OGA: variants seen among roughly 807,000 people sequenced by gnomAD.
OGA encodes the protein protein O-GlcNAcase.
Under a neutral mutation model 102.0 loss-of-function variants are expected in OGA, and 21 were observed. That is an observed-to-expected ratio of 0.21 (90% CI 0.15 to 0.30). OGA has a LOEUF of 0.30. Ranked by LOEUF, OGA falls within the 10% of genes least tolerant of loss-of-function variation. The pLI is 1.00. For synonymous variants in OGA, 408 were observed against 378.2 expected (o/e 1.08, Z -0.91); for missense variants, 765 against 1,107.8 (o/e 0.69, Z 4.39).
chr10:101,805,903 C>T (rs1051663835), intron 6 of OGA, 142 bp downstream of exon 6: 126 of 561,050 alleles, frequency 2.2e-4, no homozygotes, highest in Non-Finnish European at 3.8e-4. Flanking sequence ...TGCAGTGAGC[C>T]GAGATCATGC....
intron 1 of OGA, 110 bp downstream of exon 1, chr10:101,817,714 A>G (rs2065656397): frequency 4.8e-6 from 6 of 1,258,144 alleles, no homozygotes; most frequent in South Asian, 4.3e-5. Flanking sequence ...GCCACATTTC[A>G]GACCCAGAGG....
intron 6 of OGA, among the ~76,000 whole-genome samples, 155 bp from the exon 7 acceptor site, chr10:101,804,174 T>C (rs1239455800): frequency 6.6e-6 from 1 of 151,674 alleles, no homozygotes; most frequent in East Asian, 1.9e-4. Context: ...CGAGACCCTA[T>C]CTTTTTATTT....
chr10:101,800,153 G>A (rs557913765), intron 8 of OGA, 89 bp downstream of exon 8: 4 of 1,429,184 alleles, frequency 2.8e-6, no homozygotes, highest in South Asian at 2.6e-5. Flanking sequence ...GATTACAGGT[G>A]TGAGCCACCA....
chr10:101,816,622 TAA>T (rs1261473098), intron 1 of OGA, among the ~76,000 whole-genome samples: 3 of 152,194 alleles, frequency 2.0e-5, no homozygotes, highest in East Asian at 1.9e-4. Flanking sequence ...TACAACGATA[TAA>T]GTCACACAAT....
At chr10:101,790,091 G>A (rs1453035779) in intron 14 of OGA, among the ~76,000 whole-genome samples, 2 of 152,110 alleles carry the variant, frequency 1.3e-5, no homozygotes, top group Non-Finnish European at 2.9e-5. Context: ...GGACAGGACA[G>A]ACTTATTAAG....
At chr10:101,806,206 T>C in intron 5 of OGA, 63 bp from the exon 6 acceptor site, 1 of 1,071,576 alleles carries the variant, frequency 9.3e-7, no homozygotes, top group Non-Finnish European at 1.4e-6. Context: ...TCTCTTTGTT[T>C]GTTTGTTTTC....
In OGA at chr10:101,798,133, C is replaced by CT; in HGVS notation, c.1830dup (p.Ala611SerfsTer5). 6.2e-7 allele frequency: 1 copy of CT among 1,614,036 alleles called. No individual in the cohort carries two copies. The highest frequency in any genetic ancestry group is 8.5e-7 in the Non-Finnish European group (1 of 1,180,002). On this transcript the variant is annotated frameshift_variant, in exon 10 of 16. Coordinates refer to ENST00000361464, the MANE Select transcript of OGA (RefSeq NM_012215.5). LOFTEE classifies it high-confidence loss of function. ...CCACACATCTCTTCAAACTTGGCTGCTCGTGACCGCCATTCTTCAATCTAT... is the reference window on the plus strand; with the variant it reads ...CCACACATCTCTTCAAACTTGGCTGCTTCGTGACCGCCATTCTTCAATCTAT...
At chr10:101,810,065 CAAAA>C in intron 4 of OGA, 115 bp downstream of exon 4, 3 of 1,100,488 alleles carry the variant, frequency 2.7e-6, no homozygotes, top group East Asian at 5.2e-5. Context: ...AACAAACAAA[CAAAA>C]AAAGAAAACA....
intron 14 of OGA, among the ~76,000 whole-genome samples, chr10:101,790,265 G>GTTTTTTTT (rs869235919): frequency 9.3e-5 from 8 of 86,392 alleles, no homozygotes; most frequent in East Asian, 3.8e-4. Flanking sequence ...ATAATATCTT[G>GTTTTTTTT]TTTTTTTTTT....
chr10:101,807,619 C>A (rs763571179), intron 5 of OGA, 111 bp downstream of exon 5: 2 of 779,444 alleles, frequency 2.6e-6, no homozygotes, highest in Non-Finnish European at 3.7e-6. Flanking sequence ...AAGATTCCTA[C>A]TTTTACACAC....
rs2065188660 is a variant in OGA at position 101,786,197 on chromosome 10, G to A, written c.*254C>T. Reference sequence around the variant, plus strand: ...CTCCCTGTATAAGCCCATGTAAAAGGTCTCAGCACCTAACACAAGACTCAA... The same window carrying A: ...CTCCCTGTATAAGCCCATGTAAAAGATCTCAGCACCTAACACAAGACTCAA... On this transcript the variant is annotated 3_prime_UTR_variant, in exon 16 of 16. Coordinates refer to ENST00000361464, the MANE Select transcript of OGA (RefSeq NM_012215.5). The A allele has an allele frequency of 3.1e-6, 1 of 317,586 alleles. No individual in the cohort carries two copies. Among genetic ancestry groups the A allele is most frequent in the Non-Finnish European group, 5.7e-6 (1 of 175,590 alleles). The allele number at this position is 317,586 out of a possible 1,614,324, so 19.7% of individuals were successfully genotyped here.
chr10:101,795,451 A>G lies in OGA; in HGVS notation c.1985-1453T>C, dbSNP rs368592268. On this transcript the variant is annotated intron_variant, in intron 10 of 15. Coordinates refer to ENST00000361464, the MANE Select transcript of OGA (RefSeq NM_012215.5). ...CATCTGCCGCTGTCCATCCAATAGT[A>G]GTAGACACTTGTGCTGAGGATTCTC... is the stretch of plus-strand genomic sequence containing the variant. Among the ~76,000 whole-genome samples, 38 of 152,368 alleles carry G rather than the reference A, an allele frequency of 2.5e-4. No homozygotes were observed. The East Asian group carries it at 3.5e-3, about 14-fold the overall frequency.
rs931468806 is a variant in OGA at position 101,791,185 on chromosome 10, C to T, written c.2262-97G>A. On this transcript the variant is annotated intron_variant, in intron 13 of 15. Coordinates refer to ENST00000361464, the MANE Select transcript of OGA (RefSeq NM_012215.5). ...GACCCACTGTACTTGCATGAACTTA[C>T]GGAACCTACATTTGGTGTAAGAAAC... The T allele has an allele frequency of 1.2e-5, 16 of 1,336,230 alleles. No individual in the cohort carries two copies. The Admixed American group carries it at 1.5e-4, about 12-fold the overall frequency. The allele number at this position is 1,336,230 out of a possible 1,614,324, so 82.8% of individuals were successfully genotyped here.
intron 6 of OGA, 95 bp downstream of exon 6, chr10:101,805,950 G>A (rs1011993007): frequency 8.4e-5 from 68 of 807,502 alleles, no homozygotes; most frequent in South Asian, 6.3e-4. Flanking sequence ...GTGAGACTCC[G>A]TCTCAAAAAA....
chr10:101,811,231 A>T (rs779906154), intron 3 of OGA, among the ~76,000 whole-genome samples: 1 of 151,590 alleles, frequency 6.6e-6, no homozygotes, highest in Non-Finnish European at 1.5e-5. Context: ...TCTACTAAAA[A>T]TACAAAAATT....
intron 4 of OGA, among the ~76,000 whole-genome samples, chr10:101,809,516 G>A (rs1334321810): frequency 1.3e-5 from 2 of 152,062 alleles, no homozygotes; most frequent in African/African-American, 4.8e-5. Context: ...AGGAGTTCGA[G>A]ACCAGCCTGG....
intron 4 of OGA, 126 bp downstream of exon 4, chr10:101,810,058 A>G (rs967599286): frequency 1.9e-6 from 2 of 1,056,976 alleles, no homozygotes; most frequent in East Asian, 2.6e-5. Flanking sequence ...AAAACAAAAC[A>G]AACAAACAAA....
intron 14 of OGA, among the ~76,000 whole-genome samples, chr10:101,789,076 C>T (rs2065226080): frequency 6.6e-6 from 1 of 152,176 alleles, no homozygotes; most frequent in Non-Finnish European, 1.5e-5. Flanking sequence ...TGTGGAACAG[C>T]AATACATCAG....
intron 14 of OGA, 154 bp from the exon 15 acceptor site, chr10:101,787,677 A>C: frequency 3.0e-6 from 2 of 660,454 alleles, no homozygotes; most frequent in Non-Finnish European, 5.0e-6. Flanking sequence ...TTCTAGCTGA[A>C]GCATTTTCAC....
Sources: gnomAD v4.1 joint callset for allele counts (sites outside exome capture counted in the v4.1 genomes callset) on GRCh38, gnomAD v4.1.1 for gene constraint, MANE v1.5 for transcripts, NCBI Gene and HGNC (gene_info 2026-07-23, HGNC 2026-07-21) for gene names.